The following CNTN5 variants were observed in gnomAD, a reference collection of about 807,000 sequenced individuals.
CNTN5 encodes contactin-5.
A neutral mutation model predicts 129.1 loss-of-function variants in CNTN5; 77 were observed. The observed-to-expected ratio is 0.60, with a 90% CI of 0.50 to 0.72. The LOEUF (loss-of-function observed/expected upper bound fraction) is 0.72. Among genes scored for constraint, CNTN5 ranks in the 30% least tolerant of loss-of-function variants. The pLI, the probability that CNTN5 is intolerant of heterozygous loss-of-function variation, is 0.00. For missense variants in CNTN5, 1,478 were observed against 1,328.8 expected (o/e 1.11, Z -1.75); for synonymous variants, 509 against 465.6 (o/e 1.09, Z -1.20).
At chr11:99,034,161 T>C (rs1182079066) in intron 1 of CNTN5, among the ~76,000 whole-genome samples, 1 of 152,186 alleles carries the variant, frequency 6.6e-6, no homozygotes, top group Non-Finnish European at 1.5e-5. Context: ...TGCTGCTGGA[T>C]TCGGTTTGCC....
At position 100,063,314 on chromosome 11, in the gene CNTN5, G is replaced by A. The variant is rs555949593; in HGVS notation, c.1162+1921G>A. 1.2e-3 allele frequency among the ~76,000 whole-genome samples: 175 copies of A among 151,760 alleles called. 2 individuals are homozygous for A. The highest frequency in any genetic ancestry group is 2.2e-3 in the Non-Finnish European group (147 of 67,962). ...TGCTACTTAAACAATCTGGGGTGTC[G>A]TTGTCATGCACTGTAGGCCATCTGG... On this transcript the variant is annotated intron_variant, in intron 10 of 24. Coordinates refer to ENST00000524871, the MANE Select transcript of CNTN5 (RefSeq NM_014361.4).
In CNTN5 at chr11:100,229,401, G is replaced by A. The variant is rs535222346; in HGVS notation, c.2005+4589G>A. On this transcript the variant is annotated intron_variant, in intron 16 of 24. Transcript: ENST00000524871. ...GACTTACCTTTTAGCTAGTTGTAAA[G>A]TATTATTGGTTTGTTTGTTTCAAAT... 1.4e-4 allele frequency among the ~76,000 whole-genome samples: 22 copies of A among 152,252 alleles called. No individual in the cohort carries two copies. In the South Asian group the frequency reaches 4.4e-3, roughly 30 times the overall value.
intron 6 of CNTN5, among the ~76,000 whole-genome samples, chr11:99,885,775 G>A (rs1302364863): frequency 6.6e-6 from 1 of 151,976 alleles, no homozygotes; most frequent in Non-Finnish European, 1.5e-5. Flanking sequence ...TGAGAAAAAC[G>A]GCACAACTCC....
intron 8 of CNTN5, among the ~76,000 whole-genome samples, chr11:99,997,671 C>A (rs1939546885): frequency 6.6e-6 from 1 of 152,014 alleles, no homozygotes; most frequent in South Asian, 2.1e-4. Flanking sequence ...CAGCATCATC[C>A]TGAGACCAAA....
intron 8 of CNTN5, among the ~76,000 whole-genome samples, chr11:99,986,991 A>AT (rs1211010992): frequency 1.3e-4 from 20 of 152,290 alleles, no homozygotes; most frequent in South Asian, 6.2e-4. Flanking sequence ...AATGTGTTTT[A>AT]TTTTTTAAAA....
At chr11:99,077,239 G>C (rs180898083) in intron 1 of CNTN5, among the ~76,000 whole-genome samples, 2 of 144,604 alleles carry the variant, frequency 1.4e-5, no homozygotes, top group African/African-American at 2.7e-5. Flanking sequence ...AAAATTTAAA[G>C]TAAAAGTTAA....
chr11:100,187,123 A>T (rs764303164), intron 13 of CNTN5, among the ~76,000 whole-genome samples: 3 of 152,046 alleles, frequency 2.0e-5, no homozygotes, highest in Non-Finnish European at 4.4e-5. Context: ...CCTTAGTTAC[A>T]TATAGTCCTA....
chr11:99,025,715 T>C (rs1863081971), intron 1 of CNTN5, among the ~76,000 whole-genome samples: 1 of 151,744 alleles, frequency 6.6e-6, no homozygotes, highest in South Asian at 2.1e-4. Context: ...TTAATGTATT[T>C]TTACAAATAT....
intron 3 of CNTN5, among the ~76,000 whole-genome samples, chr11:99,602,237 T>C (rs1268141738): frequency 6.6e-6 from 1 of 152,110 alleles, no homozygotes; most frequent in East Asian, 1.9e-4. Flanking sequence ...GGATATAATT[T>C]TGTATATTAA....
At chr11:99,070,890 T>C (rs1408474292) in intron 1 of CNTN5, among the ~76,000 whole-genome samples, 1 of 152,076 alleles carries the variant, frequency 6.6e-6, no homozygotes, top group Non-Finnish European at 1.5e-5. Context: ...GCAGTACTAA[T>C]AGTAATATAG....
In CNTN5 at chr11:99,357,767, G is replaced by A. The variant is rs189434382; in HGVS notation, c.-71+32283G>A. ...AGAGAACATTTACAAATTAGGTATA[G>A]AAAATTAGGTTATTTCACTTCCGCT... On this transcript the variant is annotated intron_variant, in intron 2 of 24. Transcript: ENST00000524871. 5.0e-3 allele frequency among the ~76,000 whole-genome samples: 763 copies of A among 151,928 alleles called. 10 individuals are homozygous for A. Among genetic ancestry groups the A allele is most frequent in the African/African-American group, 0.016 (677 of 41,474 alleles).
chr11:100,023,641 ATCT>A, intron 9 of CNTN5, among the ~76,000 whole-genome samples: 1 of 152,282 alleles, frequency 6.6e-6, no homozygotes, highest in Non-Finnish European at 1.5e-5. Context: ...ATCCCTACAA[ATCT>A]TCTGGGTTCC....
chr11:99,641,612 C>A (rs1227110537), intron 3 of CNTN5, among the ~76,000 whole-genome samples: 1 of 152,022 alleles, frequency 6.6e-6, no homozygotes, highest in Admixed American at 6.6e-5. Context: ...TGGAATCTGG[C>A]CTATGAAAGA....
At chr11:99,576,556 A>C (rs1949357089) in intron 3 of CNTN5, among the ~76,000 whole-genome samples, 1 of 152,200 alleles carries the variant, frequency 6.6e-6, no homozygotes, top group Admixed American at 6.6e-5. Context: ...CCAGAGAAAA[A>C]GGCAACCCTT....
At position 100,002,131 on chromosome 11, in the gene CNTN5, T is replaced by G; in HGVS notation, c.975T>G (p.Leu325=). ...GTTVKMECFA[L]GNPVPTITWM... ...CTGTTAAGATGGAATGCTTTGCACT[T>G]GGCAAGTAAGTACATGTTCTTCCAT... Residue 325 remains leucine (L), a synonymous_variant, in exon 9 of 25, where the codon CTT becomes CTG. Coordinates refer to ENST00000524871, the MANE Select transcript of CNTN5 (RefSeq NM_014361.4). 1 of 1,557,776 alleles carries G rather than the reference T, an allele frequency of 6.4e-7. No individual in the cohort carries two copies. Among genetic ancestry groups the G allele is most frequent in the Non-Finnish European group, 8.6e-7 (1 of 1,158,214 alleles).
intron 2 of CNTN5, among the ~76,000 whole-genome samples, chr11:99,463,368 G>A (rs1293300514): frequency 6.7e-6 from 1 of 149,020 alleles, no homozygotes; most frequent in Non-Finnish European, 1.5e-5. Context: ...AACCCGGGAG[G>A]CGGAGCTTAC....
At chr11:99,865,925 C>T (rs956518393) in intron 6 of CNTN5, among the ~76,000 whole-genome samples, 4 of 152,136 alleles carry the variant, frequency 2.6e-5, no homozygotes, top group South Asian at 2.1e-4. Context: ...TATTTTCCTA[C>T]ACCATACCAT....
intron 3 of CNTN5, among the ~76,000 whole-genome samples, chr11:99,662,582 A>T (rs1952635028): frequency 6.6e-6 from 1 of 152,212 alleles, no homozygotes; most frequent in African/African-American, 2.4e-5. Flanking sequence ...CAAAATTTTT[A>T]AAGGAATAGA....
At chr11:99,182,087 C>G (rs373721198) in intron 1 of CNTN5, among the ~76,000 whole-genome samples, 9 of 152,206 alleles carry the variant, frequency 5.9e-5, no homozygotes, top group African/African-American at 1.9e-4. Flanking sequence ...GAATTTTGCC[C>G]TGTTGATCTG....
Sources: gnomAD v4.1 joint callset for allele counts (sites outside exome capture counted in the v4.1 genomes callset) on GRCh38, gnomAD v4.1.1 for gene constraint, MANE v1.5 for transcripts, NCBI Gene and HGNC (gene_info 2026-07-23, HGNC 2026-07-21) for gene names.